Variants in TLN1 observed in about 807,000 individuals in gnomAD.
The protein encoded by TLN1 is talin 1.
In TLN1, 56 loss-of-function variants were observed where a neutral mutation model predicts 292.3. The observed-to-expected ratio is 0.19, with a 90% CI of 0.15 to 0.24. The LOEUF (loss-of-function observed/expected upper bound fraction) is 0.24, where lower values mean the gene tolerates loss of function less well. Among genes scored for constraint, TLN1 ranks in the 10% least tolerant of loss-of-function variants. The probability of loss-of-function intolerance (pLI) is 1.00; values close to 1 mark genes in which losing one functional copy is unlikely to be tolerated. For missense variants in TLN1, 2,433 were observed against 3,248.2 expected, an observed-to-expected ratio of 0.75 and a Z score of 6.10; for synonymous variants, 1,119 against 1,253.7, an observed-to-expected ratio of 0.89 and a Z score of 2.27.
At chr9:35,716,758 TG>T (rs1197591927) in intron 19 of TLN1, among the ~76,000 whole-genome samples, 1 of 152,140 alleles carries the variant, frequency 6.6e-6, no homozygotes, top group Non-Finnish European at 1.5e-5. Flanking sequence ...GATTCTCCAG[TG>T]GGTTCTTACG....
chr9:35,717,854 G>T lies in TLN1; in HGVS notation c.1996-68C>A, dbSNP rs937850418. ...GGATTCACAGACACTTCTCAGAGGCGTAAGCTGCTTCATTATTCCCACTGA... is the reference window on the plus strand; with the variant it reads ...GGATTCACAGACACTTCTCAGAGGCTTAAGCTGCTTCATTATTCCCACTGA... On this transcript the variant is annotated intron_variant, in intron 17 of 56. Transcript: ENST00000314888. This position sits in a 1 kb window ranked among gnomAD's most constrained non-coding sequence, Gnocchi z 4.7. 5.3e-6 allele frequency: 8 copies of T among 1,518,468 alleles called. No homozygotes were observed. The highest frequency in any genetic ancestry group is 7.2e-6 in the Non-Finnish European group (8 of 1,117,936). 94.1% of individuals were successfully genotyped at this position (1,518,468 alleles called of 1,614,324 possible). A position where few individuals can be genotyped will look rare whatever the true frequency, so the allele number is the denominator to read the frequency against.
Position 35,698,257 on chromosome 9 carries a change from C to T in TLN1, c.7371+66G>A. ...ACCTCAATTCTCTCATAGAAACATA[C>T]ATCTCGGGAGTGACAGTTTGAAGCA... On this transcript the variant is annotated intron_variant, in intron 55 of 56. Coordinates refer to ENST00000314888, the MANE Select transcript of TLN1 (RefSeq NM_006289.4). This position sits in a 1 kb window ranked among gnomAD's most constrained non-coding sequence, Gnocchi z 5.3. The T allele has an allele frequency of 1.2e-6, 2 of 1,608,122 alleles. No individual in the cohort carries two copies. The highest frequency in any genetic ancestry group is 1.7e-4 in the Middle Eastern group (1 of 6,042).
chr9:35,707,480 A>G lies in TLN1; in HGVS notation c.4641T>C (p.Asp1547=), dbSNP rs185648370. ...ANLVKTIKAL[D]GAFTEENRAQ... The stretch of plus-strand genomic sequence containing the variant: ...CACGGTTCTCCTCTGTGAAGGCCCC[A>G]TCTAGCGCCTAGAAGTGACAGAGAG... Residue 1547 remains aspartate (D), a synonymous_variant, in exon 36 of 57, where the codon GAT becomes GAC. Coordinates refer to ENST00000314888, the MANE Select transcript of TLN1 (RefSeq NM_006289.4). This position sits in a 1 kb window ranked among gnomAD's most constrained non-coding sequence, Gnocchi z 5.6. 143 of 1,614,066 alleles carry G rather than the reference A, an allele frequency of 8.9e-5. No homozygotes were observed. The highest frequency in any genetic ancestry group is 1.1e-4 in the Non-Finnish European group (134 of 1,179,994).
rs528239423 is a variant in TLN1, at chr9:35,704,594, G to A, written c.5880+75C>T. On this transcript the variant is annotated intron_variant, in intron 44 of 56. Transcript: ENST00000314888. This position sits in a 1 kb window ranked among gnomAD's most constrained non-coding sequence, Gnocchi z 6.9. ...AGAAGTGACAACAGGAGAGGGCTGA[G>A]AGGGCTGGAGGAGGATGGCAAAGGC... 1 of 1,596,808 alleles carries A rather than the reference G, an allele frequency of 6.3e-7. No individual in the cohort carries two copies. The highest frequency in any genetic ancestry group is 2.2e-5 in the East Asian group (1 of 44,652).
rs1213248407 is a variant in TLN1, at chr9:35,697,771, A to G, written c.*20T>C. 5 of 1,613,622 alleles carry G rather than the reference A, an allele frequency of 3.1e-6. No individual in the cohort carries two copies. In the Admixed American group the frequency reaches 5.0e-5, roughly 16 times the overall value. ...CGCACAGTCTCTGGGCCGGGTCTGC[A>G]TTAAATAGAAGAGGCTTCTTTAGTG... On this transcript the variant is annotated 3_prime_UTR_variant, in exon 57 of 57. Coordinates refer to ENST00000314888, the MANE Select transcript of TLN1 (RefSeq NM_006289.4).
At chr9:35,710,958 C>A (rs376811281) in intron 31 of TLN1, 31 bp downstream of exon 31, 1 of 1,614,014 alleles carries the variant, frequency 6.2e-7, no homozygotes, top group Non-Finnish European at 8.5e-7. Flanking sequence ...CTTCCCTCAA[C>A]CTCAATGCCA....
Position 35,697,902 on chromosome 9 carries a change from C to T in TLN1, c.7515G>A (p.Gln2505=). The T allele has an allele frequency of 6.2e-7, 1 of 1,614,178 alleles. No individual in the cohort carries two copies. Among genetic ancestry groups the T allele is most frequent in the East Asian group, 2.2e-5 (1 of 44,886 alleles). The stretch of plus-strand genomic sequence containing the variant: ...CTCGTTCCTTCCGAAGCATTTCTTC[C>T]TGTGCTGCGATGATCTGAGGGTGGA... The part of the protein sequence containing the change: ...VGGIAQIIAA[Q]EEMLRKEREL... Residue 2505 remains glutamine (Q), a synonymous_variant, in exon 57 of 57, where the codon CAG becomes CAA. Transcript: ENST00000314888.
In TLN1 at chr9:35,712,034, C is replaced by T; in HGVS notation, c.3652G>A (p.Asp1218Asn). ...DVDNALRAVG[D>N]ASKRLLSDSL... ...TCACTCAGGAGTCGCTTGCTGGCAT[C>T]TCCAACTGCCCTCAGGGCATTATCC... The change falls in exon 28 of 57, where the codon GAT becomes AAT. Residue 1218 changes from aspartate to asparagine, a missense_variant. Asp to Asn is a conservative substitution (Grantham distance 23). This residue lies in a region of TLN1 where 1,384 missense variants were observed against 1,699.6 expected (regional missense o/e 0.81). Coordinates refer to ENST00000314888, the MANE Select transcript of TLN1 (RefSeq NM_006289.4). 2 of 1,614,092 alleles carry T rather than the reference C, an allele frequency of 1.2e-6. No homozygotes were observed. Among genetic ancestry groups the T allele is most frequent in the South Asian group, 2.2e-5 (2 of 91,082 alleles).
Position 35,706,716 on chromosome 9 carries a change from C to G in TLN1, c.5088+52G>C. ...CCTTGATCCCCCAGCTTCTTTGAGT[C>G]TGATATTTCTCTTCCTAGACACATC... On this transcript the variant is annotated intron_variant, in intron 38 of 56. Coordinates refer to ENST00000314888, the MANE Select transcript of TLN1 (RefSeq NM_006289.4). This position sits in a 1 kb window ranked among gnomAD's most constrained non-coding sequence, Gnocchi z 4.2. 1 of 1,597,754 alleles carries G rather than the reference C, an allele frequency of 6.3e-7. No individual in the cohort carries two copies. Among genetic ancestry groups the G allele is most frequent in the Non-Finnish European group, 8.5e-7 (1 of 1,171,810 alleles).
chr9:35,706,932 A>G lies in TLN1; in HGVS notation c.4956-32T>C. The G allele has an allele frequency of 6.2e-7, 1 of 1,611,912 alleles. No individual in the cohort carries two copies. The highest frequency in any genetic ancestry group is 8.5e-7 in the Non-Finnish European group (1 of 1,179,102). On this transcript the variant is annotated intron_variant, in intron 37 of 56. Transcript: ENST00000314888. The surrounding 1 kb of genome is among the most constrained non-coding windows in gnomAD (Gnocchi z 4.2). ...ACACATCATGGGCTCCAACACCAAGAACATCCCCTACTGCAAGGCCAGCCT... is the reference window on the plus strand; with the variant it reads ...ACACATCATGGGCTCCAACACCAAGGACATCCCCTACTGCAAGGCCAGCCT...
At chr9:35,720,616 TC>T in intron 11 of TLN1, 107 bp from the exon 12 acceptor site, 1 of 1,175,856 alleles carries the variant, frequency 8.5e-7, no homozygotes, top group Non-Finnish European at 1.2e-6. Flanking sequence ...AAGCTGAGTG[TC>T]CATTTCTTTT....
intron 43 of TLN1, among the ~76,000 whole-genome samples, chr9:35,705,295 G>T (rs1825544876): frequency 6.6e-6 from 1 of 152,216 alleles, no homozygotes; most frequent in Non-Finnish European, 1.5e-5. Flanking sequence ...GCAGCTGTAG[G>T]CCCAGATGAG....
In TLN1 at chr9:35,698,572, C is replaced by T. The variant is rs1825408431; in HGVS notation, c.7188+45G>A. 1.2e-6 allele frequency: 2 copies of T among 1,614,016 alleles called. No individual in the cohort carries two copies. The highest frequency in any genetic ancestry group is 1.7e-6 in the Non-Finnish European group (2 of 1,180,022). On this transcript the variant is annotated intron_variant, in intron 54 of 56. Coordinates refer to ENST00000314888, the MANE Select transcript of TLN1 (RefSeq NM_006289.4). The surrounding 1 kb of genome is among the most constrained non-coding windows in gnomAD (Gnocchi z 5.3). Reference sequence around the variant, plus strand: ...TGGTCCATCCCCACTCCAGCCTTCTCAAGTCTCTCAAACTGAGAGAGACCT... The same window carrying T: ...TGGTCCATCCCCACTCCAGCCTTCTTAAGTCTCTCAAACTGAGAGAGACCT...
In TLN1 at chr9:35,722,903, G is replaced by A. The variant is rs1825902044; in HGVS notation, c.801C>T (p.Pro267=). ...CTCCCTTCTGCTTCACATACTCCTT[G>A]GGCAGGAAGTCCTTCAGGCTACACC... ...AGFLDLKDFL[P]KEYVKQKGER... is the part of the protein sequence containing the mutation. The change falls in exon 8 of 57, where the codon CCC becomes CCT. Residue 267 remains proline (P), a synonymous_variant. Coordinates refer to ENST00000314888, the MANE Select transcript of TLN1 (RefSeq NM_006289.4). The A allele has an allele frequency of 6.2e-7, 1 of 1,613,950 alleles. No homozygotes were observed. The highest frequency in any genetic ancestry group is 1.1e-5 in the South Asian group (1 of 91,078).
In TLN1 at chr9:35,704,354, T is replaced by G; in HGVS notation, c.6025A>C (p.Thr2009Pro). 6.2e-7 allele frequency: 1 copy of G among 1,613,928 alleles called. No homozygotes were observed. The highest frequency in any genetic ancestry group is 8.5e-7 in the Non-Finnish European group (1 of 1,179,884). ...ATAGTLNREGTETFADHREGI... is the reference protein window; with the variant it reads ...ATAGTLNREGPETFADHREGI... ...TACCGGTGGTCAGCGAAAGTTTCAG[T>G]ACCCTCACGATTGAGCGTGCCAGCA... Residue 2009 changes from threonine to proline, a missense_variant, in exon 45 of 57, where the codon ACT (threonine) becomes CCT (proline). By Grantham distance (38) the Thr-to-Pro change is conservative. Transcript: ENST00000314888. The surrounding 1 kb of genome is among the most constrained non-coding windows in gnomAD (Gnocchi z 6.9).
rs1046921163 is a variant in TLN1 at position 35,698,583 on chromosome 9, A to G, written c.7188+34T>C. ...CACTCCAGCCTTCTCAAGTCTCTCAAACTGAGAGAGACCTAGTGGTATTGC... is the reference window on the plus strand; with the variant it reads ...CACTCCAGCCTTCTCAAGTCTCTCAGACTGAGAGAGACCTAGTGGTATTGC... On this transcript the variant is annotated intron_variant, in intron 54 of 56. Transcript: ENST00000314888. This position sits in a 1 kb window ranked among gnomAD's most constrained non-coding sequence, Gnocchi z 5.3. The G allele has an allele frequency of 1.2e-6, 2 of 1,613,820 alleles. No individual in the cohort carries two copies. The highest frequency in any genetic ancestry group is 1.7e-6 in the Non-Finnish European group (2 of 1,179,922).
chr9:35,719,393 GCA>G lies in TLN1; in HGVS notation c.1688-113_1688-112del, dbSNP rs1430342757. ...GTCACACACATGTCCACAGAAAGAC[GCA>G]CACACACAGTCCCTTCCACAGTGAG... is the stretch of plus-strand genomic sequence containing the variant. On this transcript the variant is annotated intron_variant, in intron 15 of 56. Coordinates refer to ENST00000314888, the MANE Select transcript of TLN1 (RefSeq NM_006289.4). This position sits in a 1 kb window ranked among gnomAD's most constrained non-coding sequence, Gnocchi z 4.6. 2.2e-6 allele frequency: 3 copies of G among 1,339,858 alleles called. No homozygotes were observed. The highest frequency in any genetic ancestry group is 1.4e-5 in the African/African-American group (1 of 69,618). The allele number at this position is 1,339,858 out of a possible 1,614,324, so 83.0% of individuals were successfully genotyped here.
At chr9:35,701,410 T>C (rs540149466) in intron 48 of TLN1, among the ~76,000 whole-genome samples, 2 of 152,294 alleles carry the variant, frequency 1.3e-5, no homozygotes, top group African/African-American at 4.8e-5. Flanking sequence ...CATGAGTAAC[T>C]GGGACAGGCA....
At chr9:35,710,498 G>A (rs1825648216) in intron 33 of TLN1, 63 bp downstream of exon 33, 1 of 1,574,812 alleles carries the variant, frequency 6.3e-7, no homozygotes, top group African/African-American at 1.4e-5. Context: ...GGTATGTCAG[G>A]CTGAGAGAAA....
Sources: gnomAD v4.1 joint callset for allele counts (sites outside exome capture counted in the v4.1 genomes callset) on GRCh38, gnomAD v4.1.1 for gene constraint, gnomAD v4.1.1 regional missense constraint, Gnocchi (gnomAD v3.1) non-coding constraint, MANE v1.5 for transcripts, NCBI Gene and HGNC (gene_info 2026-07-23, HGNC 2026-07-21) for gene names.